ODAD2: variants seen among roughly 807,000 people sequenced by gnomAD.
The protein encoded by ODAD2 is outer dynein arm docking complex subunit 2.
In ODAD2, 89 loss-of-function variants were observed where a neutral mutation model predicts 106.8. That is an observed-to-expected ratio of 0.83 (90% confidence interval 0.70 to 0.99). The LOEUF (loss-of-function observed/expected upper bound fraction) is 0.99. Among genes scored for constraint, ODAD2 ranks in the 50% least tolerant of loss-of-function variants. The pLI, the probability that ODAD2 is intolerant of heterozygous loss-of-function variation, is 0.00. For synonymous variants in ODAD2, 404 were observed against 436.2 expected (o/e 0.93, Z 0.92); for missense variants, 1,168 against 1,238.5 (o/e 0.94, Z 0.85).
Position 27,975,403 on chromosome 10 carries a change from CA to C in ODAD2, c.937-4091del, listed in dbSNP as rs965512694. Among the ~76,000 whole-genome samples, 72 of 151,886 alleles carry C rather than the reference CA, an allele frequency of 4.7e-4. 1 individual carries two copies. The East Asian group carries it at 5.6e-3, about 12-fold the overall frequency. ...CTATAGTCCTATAGGTGGATCAAAACAAAAAAACCACAAATGACCAATATTA... is the reference window on the plus strand; with the variant it reads ...CTATAGTCCTATAGGTGGATCAAAACAAAAAACCACAAATGACCAATATTA... On this transcript the variant is annotated intron_variant, in intron 7 of 19. Coordinates refer to ENST00000305242, the MANE Select transcript of ODAD2 (RefSeq NM_018076.5).
intron 10 of ODAD2, among the ~76,000 whole-genome samples, chr10:27,955,378 C>G (rs1348455138): frequency 6.6e-6 from 1 of 152,052 alleles, no homozygotes; most frequent in Non-Finnish European, 1.5e-5. Flanking sequence ...CAGGAAGATA[C>G]AACAGCAAGT....
intron 17 of ODAD2, among the ~76,000 whole-genome samples, chr10:27,868,003 GTTA>G (rs1393733087): frequency 6.6e-6 from 1 of 150,814 alleles, no homozygotes; most frequent in Non-Finnish European, 1.5e-5. Flanking sequence ...TCCATATACA[GTTA>G]TTATAAGAAA....
At chr10:27,988,337 CT>C (rs5784035) in intron 2 of ODAD2, among the ~76,000 whole-genome samples, 10,032 of 128,636 alleles carry the variant, frequency 0.078, 388 homozygotes, top group African/African-American at 0.19. Flanking sequence ...CCTGATCTAG[CT>C]TTTTTTTTTT....
At chr10:27,824,171 T>C (rs1349148584) in intron 19 of ODAD2, among the ~76,000 whole-genome samples, 1 of 149,546 alleles carries the variant, frequency 6.7e-6, no homozygotes, top group African/African-American at 2.5e-5. Context: ...AAAAAAATAG[T>C]TCAATAAGTT....
intron 16 of ODAD2, among the ~76,000 whole-genome samples, chr10:27,924,144 C>T (rs1845065737): frequency 6.6e-6 from 1 of 151,806 alleles, no homozygotes; most frequent in South Asian, 2.1e-4. Flanking sequence ...CATCCATAAG[C>T]TTCATTAACA....
At chr10:27,813,683 T>C (rs995448140) in intron 19 of ODAD2, among the ~76,000 whole-genome samples, 2 of 152,222 alleles carry the variant, frequency 1.3e-5, no homozygotes, top group Non-Finnish European at 2.9e-5. Context: ...GTCTTACATA[T>C]GCCAGGCTTA....
intron 17 of ODAD2, among the ~76,000 whole-genome samples, chr10:27,885,815 T>C (rs1842164148): frequency 1.0e-5 from 1 of 95,976 alleles, no homozygotes; most frequent in South Asian, 2.6e-4. Flanking sequence ...ATATATATTA[T>C]ATATAATATA....
chr10:27,853,938 A>G (rs1348781396), intron 19 of ODAD2, among the ~76,000 whole-genome samples: 2 of 152,206 alleles, frequency 1.3e-5, no homozygotes, highest in African/African-American at 2.4e-5. Context: ...CAAAAGATAC[A>G]GTTAAGAGAA....
intron 6 of ODAD2, among the ~76,000 whole-genome samples, chr10:27,982,909 C>T (rs1588659405): frequency 1.3e-5 from 2 of 152,314 alleles, no homozygotes; most frequent in East Asian, 1.9e-4. Flanking sequence ...GCCACCCAGC[C>T]TCTACTTTGT....
intron 17 of ODAD2, among the ~76,000 whole-genome samples, chr10:27,870,002 T>C (rs895368719): frequency 6.6e-6 from 1 of 151,986 alleles, no homozygotes; most frequent in African/African-American, 2.4e-5. Flanking sequence ...AAAATATATA[T>C]ATATATAGTT....
chr10:27,924,904 T>C (rs954965057), intron 16 of ODAD2, among the ~76,000 whole-genome samples: 1 of 151,018 alleles, frequency 6.6e-6, no homozygotes, highest in Non-Finnish European at 1.5e-5. Flanking sequence ...TGTAGGTCCA[T>C]ATAATTGCAT....
At chr10:27,936,095 A>C (rs1251617065) in intron 15 of ODAD2, among the ~76,000 whole-genome samples, 1 of 152,154 alleles carries the variant, frequency 6.6e-6, no homozygotes, top group African/African-American at 2.4e-5. Flanking sequence ...TTTTGTGTTA[A>C]ATGGTCGGGA....
chr10:27,933,889 T>C (rs755116769), intron 16 of ODAD2, among the ~76,000 whole-genome samples: 1 of 152,176 alleles, frequency 6.6e-6, no homozygotes, highest in Non-Finnish European at 1.5e-5. Flanking sequence ...GTGTTAGTAC[T>C]TGTGTATAAG....
chr10:27,967,643 C>T (rs1264211984), intron 9 of ODAD2, among the ~76,000 whole-genome samples: 2 of 152,034 alleles, frequency 1.3e-5, no homozygotes, highest in Admixed American at 1.3e-4. Flanking sequence ...GTAATCCCAG[C>T]ACTTTGGGAG....
chr10:27,996,914 C>T (rs1264052766), intron 1 of ODAD2, among the ~76,000 whole-genome samples: 1 of 152,114 alleles, frequency 6.6e-6, no homozygotes, highest in Non-Finnish European at 1.5e-5. Context: ...CGTTTACATG[C>T]CAATCTTTTC....
At chr10:27,980,085 A>C (rs986461365) in intron 7 of ODAD2, among the ~76,000 whole-genome samples, 3 of 152,204 alleles carry the variant, frequency 2.0e-5, no homozygotes, top group African/African-American at 7.2e-5. Flanking sequence ...GAGAAAGGAC[A>C]ATCTCTTCAA....
intron 17 of ODAD2, among the ~76,000 whole-genome samples, chr10:27,901,224 G>A (rs1159349411): frequency 6.6e-6 from 1 of 152,150 alleles, no homozygotes; most frequent in African/African-American, 2.4e-5. Flanking sequence ...AGCTTCATAA[G>A]CGAAGGAGAA....
At chr10:27,888,573 G>A (rs921115767) in intron 17 of ODAD2, among the ~76,000 whole-genome samples, 1 of 151,868 alleles carries the variant, frequency 6.6e-6, no homozygotes, top group African/African-American at 2.4e-5. Flanking sequence ...GTCCCTTGTC[G>A]GATATGTACT....
chr10:27,937,057 T>A (rs1846034335), intron 14 of ODAD2, among the ~76,000 whole-genome samples, 177 bp from the exon 15 acceptor site: 1 of 152,094 alleles, frequency 6.6e-6, no homozygotes. Context: ...TGACAGCATG[T>A]CTCTCTCCTT....
Sources: allele counts gnomAD v4.1 joint callset (sites outside exome capture counted in the v4.1 genomes callset), GRCh38; gene constraint gnomAD v4.1.1; transcripts MANE v1.5; gene names NCBI Gene and HGNC (gene_info 2026-07-23, HGNC 2026-07-21).